The following REEP3 variants were observed in gnomAD, a reference collection of about 807,000 sequenced individuals.
REEP3 encodes the protein receptor expression-enhancing protein 3.
A neutral mutation model predicts 41.3 loss-of-function variants in REEP3; 20 were observed. That is an observed-to-expected ratio of 0.48 (90% CI 0.34 to 0.70). The LOEUF is 0.70. REEP3 is among the 30% of genes least tolerant of loss of function. The pLI is 0.01. For missense variants in REEP3, 271 were observed against 308.8 expected (o/e 0.88, Z 0.92); for synonymous variants, 104 against 101.8 (o/e 1.02, Z -0.13).
At chr10:63,552,752 C>G (rs765624291) in intron 1 of REEP3, among the ~76,000 whole-genome samples, 1 of 152,224 alleles carries the variant, frequency 6.6e-6, no homozygotes, top group African/African-American at 2.4e-5. Flanking sequence ...TCATCCCAGA[C>G]TGCCTTTGAG....
intron 2 of REEP3, among the ~76,000 whole-genome samples, chr10:63,588,071 C>T (rs1460044070): frequency 6.6e-6 from 1 of 152,196 alleles, no homozygotes; most frequent in Non-Finnish European, 1.5e-5. Flanking sequence ...CTTTTCTAAA[C>T]ATTTACTGCT....
chr10:63,567,802 G>A (rs186368016), intron 2 of REEP3, among the ~76,000 whole-genome samples: 2 of 152,138 alleles, frequency 1.3e-5, no homozygotes, highest in East Asian at 3.9e-4. Context: ...CAGGGTTTTT[G>A]GGGGGTGGGA....
At chr10:63,547,755 A>G (rs1955592292) in intron 1 of REEP3, among the ~76,000 whole-genome samples, 2 of 152,328 alleles carry the variant, frequency 1.3e-5, no homozygotes, top group East Asian at 3.9e-4. Flanking sequence ...AAGCTCTTCT[A>G]CCATTTGCAT....
intron 2 of REEP3, among the ~76,000 whole-genome samples, chr10:63,589,625 C>T (rs957829055): frequency 3.9e-5 from 6 of 152,220 alleles, no homozygotes; most frequent in Non-Finnish European, 8.8e-5. Context: ...CCAGTTCCTG[C>T]AGTGGCTTGC....
chr10:63,550,637 G>A (rs1191207217), intron 1 of REEP3, among the ~76,000 whole-genome samples: 1 of 152,158 alleles, frequency 6.6e-6, no homozygotes, highest in Non-Finnish European at 1.5e-5. Flanking sequence ...TCACAGGGTA[G>A]TATTGTTAAG....
At chr10:63,542,946 C>T (rs1366412526) in intron 1 of REEP3, among the ~76,000 whole-genome samples, 12 of 152,138 alleles carry the variant, frequency 7.9e-5, no homozygotes, top group Admixed American at 7.9e-4. Flanking sequence ...CATCGTGCAG[C>T]CCTGCAGTTC....
At chr10:63,538,433 A>C (rs1343975282) in intron 1 of REEP3, among the ~76,000 whole-genome samples, 1 of 152,162 alleles carries the variant, frequency 6.6e-6, no homozygotes, top group Non-Finnish European at 1.5e-5. Context: ...AGTGTCATTT[A>C]TATAAGACGA....
intron 2 of REEP3, among the ~76,000 whole-genome samples, chr10:63,584,603 A>G (rs1454632610): frequency 6.6e-6 from 1 of 152,068 alleles, no homozygotes; most frequent in Non-Finnish European, 1.5e-5. Context: ...TTGATTTCTC[A>G]CATTTTGTTC....
chr10:63,565,117 G>A (rs896134395), intron 1 of REEP3, among the ~76,000 whole-genome samples: 7 of 151,936 alleles, frequency 4.6e-5, no homozygotes, highest in South Asian at 2.1e-4. Flanking sequence ...AAAATTAGCC[G>A]GGCATAGTGG....
chr10:63,601,978 C>G (rs1205347174), intron 5 of REEP3, among the ~76,000 whole-genome samples: 7 of 151,872 alleles, frequency 4.6e-5, no homozygotes, highest in Admixed American at 2.0e-4. Flanking sequence ...AGCAGGGACT[C>G]TGAGGGCATG....
At chr10:63,618,799 C>A (rs1439404246) in intron 6 of REEP3, among the ~76,000 whole-genome samples, 1 of 152,226 alleles carries the variant, frequency 6.6e-6, no homozygotes, top group Non-Finnish European at 1.5e-5. Flanking sequence ...CTCAAGGTAA[C>A]TCTGACGTGC....
chr10:63,538,288 A>G (rs1955494077), intron 1 of REEP3, among the ~76,000 whole-genome samples: 1 of 152,204 alleles, frequency 6.6e-6, no homozygotes. Flanking sequence ...GTGATATTTC[A>G]CAGCAATTCC....
At chr10:63,620,180 G>T (rs560031220) in intron 7 of REEP3, among the ~76,000 whole-genome samples, 2 of 151,794 alleles carry the variant, frequency 1.3e-5, no homozygotes, top group Non-Finnish European at 2.9e-5. Flanking sequence ...CAATCCTCTC[G>T]CCTCCGCCTC....
chr10:63,619,621 T>C lies in REEP3; in HGVS notation c.566-34T>C. The C allele has an allele frequency of 1.9e-6, 3 of 1,575,360 alleles. 1 individual carries two copies. The highest frequency in any genetic ancestry group is 4.6e-5 in the East Asian group (2 of 43,368). The stretch of plus-strand genomic sequence containing the variant: ...GAGCCGGCGCTGACTGGTGTCCTTT[T>C]ACCAAAACATGCTGTTTTTGACAAC... On this transcript the variant is annotated intron_variant, in intron 6 of 7. Transcript: ENST00000373758.
At chr10:63,619,520 G>T in intron 6 of REEP3, 135 bp from the exon 7 acceptor site, 1 of 649,926 alleles carries the variant, frequency 1.5e-6, no homozygotes, top group Non-Finnish European at 2.6e-6. Context: ...AAAGGGCATG[G>T]AGCACATTCC....
chr10:63,603,788 G>A (rs1195130506), intron 5 of REEP3, among the ~76,000 whole-genome samples: 2 of 152,162 alleles, frequency 1.3e-5, no homozygotes, highest in East Asian at 3.8e-4. Flanking sequence ...TAAATATGCT[G>A]AACATAGCGT....
At chr10:63,560,970 G>A (rs11812934) in intron 1 of REEP3, among the ~76,000 whole-genome samples, 18,487 of 152,154 alleles carry the variant, frequency 0.12, 1,395 homozygotes, top group East Asian at 0.28. Flanking sequence ...AATAGTAGCA[G>A]TCCTTAAAAA....
intron 2 of REEP3, among the ~76,000 whole-genome samples, chr10:63,591,329 T>C (rs1956061465): frequency 6.6e-6 from 1 of 152,172 alleles, no homozygotes; most frequent in African/African-American, 2.4e-5. Flanking sequence ...GTTGCTTCCA[T>C]GAATAATACA....
chr10:63,557,072 T>C (rs1000227899), intron 1 of REEP3, among the ~76,000 whole-genome samples: 1 of 152,196 alleles, frequency 6.6e-6, no homozygotes, highest in Non-Finnish European at 1.5e-5. Flanking sequence ...CATACTATAG[T>C]TTCCCTTGGC....
Sources: allele counts gnomAD v4.1 joint callset (sites outside exome capture counted in the v4.1 genomes callset), GRCh38; gene constraint gnomAD v4.1.1; transcripts MANE v1.5; gene names NCBI Gene and HGNC (gene_info 2026-07-23, HGNC 2026-07-21).